The following ROCK1 variants were observed in gnomAD, a reference collection of about 807,000 sequenced individuals.
ROCK1 encodes rho-associated protein kinase 1.
ROCK1 carries 36 observed loss-of-function variants against 196.8 expected under a neutral mutation model. The ratio of observed to expected loss-of-function variants is 0.18; its 90% CI spans 0.14 to 0.24. ROCK1 has a LOEUF of 0.24. Ranked by LOEUF, ROCK1 falls within the 10% of genes least tolerant of loss-of-function variation. ROCK1 has a pLI of 1.00. For synonymous variants in ROCK1, 443 were observed against 515.9 expected (o/e 0.86, Z 1.91); for missense variants, 920 against 1,562.0 (o/e 0.59, Z 6.93).
At chr18:21,071,605 G>A (rs1388708004) in intron 1 of ROCK1, among the ~76,000 whole-genome samples, 1 of 152,160 alleles carries the variant, frequency 6.6e-6, no homozygotes, top group African/African-American at 2.4e-5. Flanking sequence ...GGCAGGAACT[G>A]GAAGAACTTC....
chr18:21,024,179 C>T (rs762905817), intron 10 of ROCK1, among the ~76,000 whole-genome samples: 29 of 152,274 alleles, frequency 1.9e-4, no homozygotes, highest in Admixed American at 9.8e-4. Flanking sequence ...ATTGCCTCTT[C>T]GGGTCAAAAA....
intron 16 of ROCK1, among the ~76,000 whole-genome samples, chr18:20,996,017 C>A (rs2035667513): frequency 6.6e-6 from 1 of 152,128 alleles, no homozygotes; most frequent in South Asian, 2.1e-4. Flanking sequence ...CAACAAACAA[C>A]CACAAACATC....
rs747555694 is a variant in ROCK1, at chr18:21,023,685, G to A, written c.1212-5C>T. 3 of 1,541,310 alleles carry A rather than the reference G, an allele frequency of 1.9e-6. No individual in the cohort carries two copies. Among genetic ancestry groups the A allele is most frequent in the African/African-American group, 1.4e-5 (1 of 71,920 alleles). On this transcript the variant is annotated splice_polypyrimidine_tract_variant and splice_region_variant and intron_variant, in intron 10 of 32. Coordinates refer to ENST00000399799, the MANE Select transcript of ROCK1 (RefSeq NM_005406.3). The stretch of plus-strand genomic sequence containing the variant: ...GGATTTGCTGAAGATAAGTATCTGA[G>A]GGAAAGAAAAGTTTAAAAAGAAAAG...
intron 13 of ROCK1, among the ~76,000 whole-genome samples, 194 bp from the exon 14 acceptor site, chr18:21,008,388 G>A (rs1448097779): frequency 6.6e-6 from 1 of 152,186 alleles, no homozygotes; most frequent in Non-Finnish European, 1.5e-5. Flanking sequence ...AAGACAGTGG[G>A]AATCTGTCTT....
At chr18:21,006,618 A>T (rs1300057237) in intron 15 of ROCK1, 21 bp from the exon 16 acceptor site, 1 of 1,603,168 alleles carries the variant, frequency 6.2e-7, no homozygotes, top group South Asian at 1.1e-5. Context: ...AGAAAGCAAA[A>T]AAATAGGTTT....
intron 11 of ROCK1, among the ~76,000 whole-genome samples, chr18:21,023,295 T>A (rs547626407): frequency 3.2e-4 from 49 of 152,298 alleles, no homozygotes; most frequent in African/African-American, 1.2e-3. Flanking sequence ...TTTAAATATT[T>A]TGAACATGTA....
At chr18:20,954,480 A>C (rs1378107576) in intron 31 of ROCK1, among the ~76,000 whole-genome samples, 2 of 151,806 alleles carry the variant, frequency 1.3e-5, no homozygotes, top group Non-Finnish European at 2.9e-5. Context: ...GGAGGCTGAG[A>C]TAGGAGAATC....
At chr18:20,973,614 G>A (rs539334534) in intron 22 of ROCK1, among the ~76,000 whole-genome samples, 6 of 152,062 alleles carry the variant, frequency 3.9e-5, no homozygotes, top group African/African-American at 1.2e-4. Flanking sequence ...AGATAGGATC[G>A]AGGGACTAGC....
intron 10 of ROCK1, among the ~76,000 whole-genome samples, chr18:21,027,211 T>C (rs1336642766): frequency 6.6e-6 from 1 of 152,222 alleles, no homozygotes; most frequent in Non-Finnish European, 1.5e-5. Context: ...ACTGCTGCGA[T>C]TACAGGCGTG....
chr18:21,093,306 C>G (rs1340978436), intron 1 of ROCK1, among the ~76,000 whole-genome samples: 1 of 152,172 alleles, frequency 6.6e-6, no homozygotes, highest in Non-Finnish European at 1.5e-5. Flanking sequence ...ATTTGCAAAA[C>G]CTTTGGGGCC....
intron 22 of ROCK1, among the ~76,000 whole-genome samples, chr18:20,977,330 G>A (rs1338792360): frequency 6.6e-6 from 1 of 152,186 alleles, no homozygotes; most frequent in Non-Finnish European, 1.5e-5. Context: ...TTTGTAATCT[G>A]ACTCAGTTTT....
At chr18:21,027,732 T>C (rs1290518542) in intron 10 of ROCK1, among the ~76,000 whole-genome samples, 1 of 149,010 alleles carries the variant, frequency 6.7e-6, no homozygotes, top group East Asian at 1.9e-4. Flanking sequence ...ATGGTAAAAT[T>C]TGGGGAGGAA....
At chr18:20,955,368 A>G in intron 29 of ROCK1, 123 bp from the exon 30 acceptor site, 3 of 957,152 alleles carry the variant, frequency 3.1e-6, no homozygotes, top group Non-Finnish European at 4.5e-6. Flanking sequence ...ATCAGTCATT[A>G]GAGAAATGCA....
intron 1 of ROCK1, among the ~76,000 whole-genome samples, chr18:21,104,577 G>GA (rs1240149718): frequency 6.6e-6 from 1 of 151,462 alleles, no homozygotes; most frequent in African/African-American, 2.4e-5. Flanking sequence ...GGACTGGGCG[G>GA]AAAAAAAACA....
At chr18:21,013,829 C>T in intron 13 of ROCK1, among the ~76,000 whole-genome samples, 1 of 152,064 alleles carries the variant, frequency 6.6e-6, no homozygotes, top group East Asian at 1.9e-4. Context: ...TTTGGGAGGC[C>T]AAGGCGGGTG....
intron 24 of ROCK1, 62 bp downstream of exon 24, chr18:20,969,053 A>ATAG (rs1172716624): frequency 9.0e-7 from 1 of 1,117,198 alleles, no homozygotes; most frequent in Non-Finnish European, 1.3e-6. Flanking sequence ...CTAACACAAC[A>ATAG]TAGGTAAAGA....
In ROCK1 at chr18:21,045,330, A is replaced by G. The variant is rs370132541; in HGVS notation, c.552T>C (p.Leu184=). The change falls in exon 5 of 33, where the codon CTT becomes CTC. Residue 184 remains leucine (L), a synonymous_variant. Transcript: ENST00000399799. ...CCATGGAATGGATTGCATCCAATGC[A>G]AGAACTACTTCTGCAGTATAGAATC... The part of the protein sequence containing the change: ...WARFYTAEVV[L]ALDAIHSMGF... 6.2e-7 allele frequency: 1 copy of G among 1,611,862 alleles called. No homozygotes were observed. The highest frequency in any genetic ancestry group is 1.7e-5 in the Admixed American group (1 of 59,494).
chr18:20,984,309 C>G, intron 20 of ROCK1, 42 bp downstream of exon 20: 1 of 1,446,260 alleles, frequency 6.9e-7, no homozygotes, highest in Non-Finnish European at 9.6e-7. Flanking sequence ...CAATGATGAA[C>G]ACAAAAAAGA....
chr18:21,003,578 T>C (rs2035744658), intron 16 of ROCK1, among the ~76,000 whole-genome samples: 1 of 152,158 alleles, frequency 6.6e-6, no homozygotes, highest in African/African-American at 2.4e-5. Flanking sequence ...AAAAGGACAA[T>C]GTGGTGCCTG....
Sources: allele counts gnomAD v4.1 joint callset (sites outside exome capture counted in the v4.1 genomes callset), GRCh38; gene constraint gnomAD v4.1.1; transcripts MANE v1.5; gene names NCBI Gene and HGNC (gene_info 2026-07-23, HGNC 2026-07-21).